ENOX1: variants seen among roughly 807,000 people sequenced by gnomAD.
The protein encoded by ENOX1 is candidate growth-related and time keeping constitutive hydroquinone (NADH) oxidase.
In ENOX1, 42 loss-of-function variants were observed where a neutral mutation model predicts 82.5. The observed-to-expected ratio is 0.51, with a 90% CI of 0.40 to 0.66. The LOEUF is 0.66. ENOX1 is among the 30% of genes least tolerant of loss of function. ENOX1 has a pLI of 0.00. For synonymous variants in ENOX1, 271 were observed against 282.2 expected (o/e 0.96, Z 0.40); for missense variants, 608 against 811.6 (o/e 0.75, Z 3.05).
intron 2 of ENOX1, among the ~76,000 whole-genome samples, chr13:43,562,346 C>T (rs2079717959): frequency 6.6e-6 from 1 of 151,810 alleles, no homozygotes; most frequent in African/African-American, 2.4e-5. Flanking sequence ...TATTTACAAG[C>T]CACATGGTAA....
intron 3 of ENOX1, among the ~76,000 whole-genome samples, chr13:43,430,777 A>G (rs144596337): frequency 2.3e-3 from 354 of 152,364 alleles, no homozygotes; most frequent in African/African-American, 8.2e-3. Flanking sequence ...TTGATTGTTC[A>G]TAGCTCCTTT....
At chr13:43,537,628 T>C (rs151268564) in intron 2 of ENOX1, among the ~76,000 whole-genome samples, 36 of 152,346 alleles carry the variant, frequency 2.4e-4, no homozygotes, top group African/African-American at 8.7e-4. Context: ...AAGACAACTA[T>C]ATCAAAATAT....
chr13:43,733,333 C>T (rs979399585), intron 1 of ENOX1, among the ~76,000 whole-genome samples: 5 of 152,086 alleles, frequency 3.3e-5, no homozygotes, highest in African/African-American at 1.2e-4. Context: ...ATAGCAATTC[C>T]CATATGGAAG....
At chr13:43,295,126 T>G (rs1212759645) in intron 12 of ENOX1, among the ~76,000 whole-genome samples, 1 of 152,200 alleles carries the variant, frequency 6.6e-6, no homozygotes, top group Non-Finnish European at 1.5e-5. Context: ...TCAATAAACC[T>G]AACGAAAGAA....
chr13:43,629,701 C>A (rs1274947823), intron 2 of ENOX1, among the ~76,000 whole-genome samples: 1 of 152,244 alleles, frequency 6.6e-6, no homozygotes, highest in African/African-American at 2.4e-5. Flanking sequence ...AGAGTTAACA[C>A]TGGTTTACAC....
chr13:43,566,553 C>T (rs911114765), intron 2 of ENOX1, among the ~76,000 whole-genome samples: 1 of 151,902 alleles, frequency 6.6e-6, no homozygotes, highest in Non-Finnish European at 1.5e-5. Context: ...GCATGTCTAT[C>T]TTCTGTTGGA....
intron 1 of ENOX1, among the ~76,000 whole-genome samples, chr13:43,689,803 C>T (rs553399451): frequency 4.6e-5 from 7 of 152,286 alleles, no homozygotes; most frequent in Admixed American, 3.9e-4. Flanking sequence ...TTATCAAATG[C>T]ATTTCTTTTT....
At chr13:43,630,886 C>CAT (rs1174933811) in intron 2 of ENOX1, among the ~76,000 whole-genome samples, 5 of 141,772 alleles carry the variant, frequency 3.5e-5, no homozygotes, top group Non-Finnish European at 7.9e-5. Flanking sequence ...TATATATACA[C>CAT]ATATATATAC....
chr13:43,727,577 T>C (rs983472434), intron 1 of ENOX1, among the ~76,000 whole-genome samples: 7 of 152,146 alleles, frequency 4.6e-5, no homozygotes, highest in Non-Finnish European at 7.3e-5. Context: ...ATGGTTGCTG[T>C]TGGGGCCGCG....
At chr13:43,686,588 T>C (rs1488341154) in intron 1 of ENOX1, among the ~76,000 whole-genome samples, 1 of 152,216 alleles carries the variant, frequency 6.6e-6, no homozygotes, top group Non-Finnish European at 1.5e-5. Context: ...TGTTCTTAGC[T>C]AAGTGAGTCT....
intron 2 of ENOX1, among the ~76,000 whole-genome samples, chr13:43,600,704 C>T (rs572795618): frequency 9.1e-4 from 139 of 152,166 alleles, no homozygotes; most frequent in African/African-American, 8.9e-4. Flanking sequence ...CACTGGTTAC[C>T]GCAGGCCTTC....
intron 11 of ENOX1, among the ~76,000 whole-genome samples, chr13:43,303,028 G>C (rs2046668342): frequency 6.6e-6 from 1 of 152,174 alleles, no homozygotes; most frequent in Admixed American, 6.5e-5. Flanking sequence ...GTGTGTTTGG[G>C]GAACTCTGTG....
At chr13:43,529,674 A>G (rs2078128886) in intron 2 of ENOX1, among the ~76,000 whole-genome samples, 1 of 152,066 alleles carries the variant, frequency 6.6e-6, no homozygotes, top group Admixed American at 6.6e-5. Flanking sequence ...ATTGACAGCA[A>G]TTGGGTTTGG....
At chr13:43,512,078 T>C (rs1232692834) in intron 2 of ENOX1, among the ~76,000 whole-genome samples, 1 of 152,174 alleles carries the variant, frequency 6.6e-6, no homozygotes, top group Non-Finnish European at 1.5e-5. Flanking sequence ...GCATATCTAA[T>C]ATACATACAT....
chr13:43,233,070 C>T lies in ENOX1; in HGVS notation c.1714+3566G>A, dbSNP rs565967824. 1.9e-4 allele frequency among the ~76,000 whole-genome samples: 29 copies of T among 152,216 alleles called. No individual in the cohort carries two copies. In the South Asian group the frequency reaches 6.0e-3, roughly 32 times the overall value. ...CAAACAACTTCAGTGTATGCCAATCCAACATGCAGGCCATATGTGAAATAA... is the reference window on the plus strand; with the variant it reads ...CAAACAACTTCAGTGTATGCCAATCTAACATGCAGGCCATATGTGAAATAA... On this transcript the variant is annotated intron_variant, in intron 15 of 16. Coordinates refer to ENST00000690772, the MANE Select transcript of ENOX1 (RefSeq NM_001347969.2).
intron 3 of ENOX1, among the ~76,000 whole-genome samples, chr13:43,477,052 T>TA (rs67337073): frequency 0.75 from 111,922 of 149,714 alleles, 41,898 homozygotes; most frequent in East Asian, 0.97. Context: ...TCTAAAAAAA[T>TA]AAAAAAAAAA....
intron 7 of ENOX1, among the ~76,000 whole-genome samples, chr13:43,357,253 C>T (rs1296606987): frequency 6.6e-6 from 1 of 152,144 alleles, no homozygotes; most frequent in African/African-American, 2.4e-5. Flanking sequence ...CTGCACTGTG[C>T]TGATGTTCAA....
At chr13:43,661,990 A>G (rs2084755061) in intron 2 of ENOX1, among the ~76,000 whole-genome samples, 2 of 81,480 alleles carry the variant, frequency 2.5e-5, no homozygotes, top group East Asian at 2.8e-4. Context: ...AGAACAACAG[A>G]TTGATTTTTT....
chr13:43,656,031 A>G (rs904706788), intron 2 of ENOX1, among the ~76,000 whole-genome samples: 1 of 152,186 alleles, frequency 6.6e-6, no homozygotes, highest in Non-Finnish European at 1.5e-5. Context: ...TTTTCTCATA[A>G]TGATGTCTCA....
Sources: allele counts gnomAD v4.1 joint callset (sites outside exome capture counted in the v4.1 genomes callset), GRCh38; gene constraint gnomAD v4.1.1; transcripts MANE v1.5; gene names NCBI Gene and HGNC (gene_info 2026-07-23, HGNC 2026-07-21).